CSMD1: variants seen among roughly 807,000 people sequenced by gnomAD.
The protein encoded by CSMD1 is CUB and sushi domain-containing protein 1.
A neutral mutation model predicts 417.5 loss-of-function variants in CSMD1; 213 were observed. The observed-to-expected ratio is 0.51, with a 90% confidence interval of 0.46 to 0.57. The LOEUF (loss-of-function observed/expected upper bound fraction) is 0.57, where lower values mean the gene tolerates loss of function less well. Ranked by LOEUF, CSMD1 falls within the 20% of genes least tolerant of loss-of-function variation. The pLI, the probability that CSMD1 is intolerant of heterozygous loss-of-function variation, is 0.00. For synonymous variants in CSMD1, 2,862 were observed against 1,736.8 expected (o/e 1.65, Z -16.11); for missense variants, 6,923 against 4,529.7 (o/e 1.53, Z -15.17).
chr8:4,340,026 A>T (rs1800387205), intron 3 of CSMD1, among the ~76,000 whole-genome samples: 1 of 152,082 alleles, frequency 6.6e-6, no homozygotes, highest in South Asian at 2.1e-4. Flanking sequence ...ACTTCTAGCG[A>T]AAATTATGTT....
chr8:3,514,832 A>G (rs146286539), intron 10 of CSMD1, among the ~76,000 whole-genome samples: 1 of 152,322 alleles, frequency 6.6e-6, no homozygotes, highest in Admixed American at 6.5e-5. Flanking sequence ...TAACACAAAC[A>G]ACATATTGCT....
At chr8:3,215,869 T>C (rs981963323) in intron 29 of CSMD1, among the ~76,000 whole-genome samples, 2 of 151,806 alleles carry the variant, frequency 1.3e-5, no homozygotes, top group African/African-American at 4.8e-5. Context: ...ACTGTATTTA[T>C]TCAATATTTT....
intron 3 of CSMD1, among the ~76,000 whole-genome samples, chr8:4,312,213 G>A (rs986572022): frequency 2.6e-5 from 4 of 151,766 alleles, no homozygotes; most frequent in Admixed American, 2.0e-4. Context: ...ATATGCATGT[G>A]TAGAATGCAT....
intron 23 of CSMD1, among the ~76,000 whole-genome samples, chr8:3,323,856 T>A (rs156071): frequency 0.31 from 42,533 of 136,022 alleles, 6,918 homozygotes; most frequent in Middle Eastern, 0.43. Flanking sequence ...CAGACACACA[T>A]CTAACACCCA....
At chr8:3,547,742 C>G (rs1024402955) in intron 10 of CSMD1, among the ~76,000 whole-genome samples, 1 of 152,098 alleles carries the variant, frequency 6.6e-6, no homozygotes, top group East Asian at 1.9e-4. Flanking sequence ...TTGGCTTGAG[C>G]TAGTTATCTA....
At chr8:4,034,435 T>C (rs769554639) in intron 3 of CSMD1, among the ~76,000 whole-genome samples, 1 of 152,242 alleles carries the variant, frequency 6.6e-6, no homozygotes, top group Non-Finnish European at 1.5e-5. Context: ...GCAATCATTT[T>C]TGTCTTTTTT....
At chr8:3,710,895 G>A (rs938700172) in intron 6 of CSMD1, among the ~76,000 whole-genome samples, 1 of 152,134 alleles carries the variant, frequency 6.6e-6, no homozygotes, top group Non-Finnish European at 1.5e-5. Flanking sequence ...TGGGGAGCAT[G>A]GAGACAGGAG....
At chr8:4,243,738 C>A (rs887279002) in intron 3 of CSMD1, among the ~76,000 whole-genome samples, 4 of 152,116 alleles carry the variant, frequency 2.6e-5, no homozygotes, top group African/African-American at 9.7e-5. Flanking sequence ...CAAAAAAGAA[C>A]ACTCATTTTG....
At chr8:4,697,860 G>A (rs1210223107) in intron 1 of CSMD1, among the ~76,000 whole-genome samples, 1 of 152,084 alleles carries the variant, frequency 6.6e-6, no homozygotes, top group Non-Finnish European at 1.5e-5. Flanking sequence ...CTTGATATTT[G>A]TAATATCTTA....
At chr8:4,216,965 T>G (rs1312475254) in intron 3 of CSMD1, among the ~76,000 whole-genome samples, 1 of 152,180 alleles carries the variant, frequency 6.6e-6, no homozygotes, top group South Asian at 2.1e-4. Context: ...ATGGCTGTCC[T>G]AGGATAGGTC....
At chr8:4,046,969 T>C (rs1798179643) in intron 3 of CSMD1, among the ~76,000 whole-genome samples, 1 of 152,184 alleles carries the variant, frequency 6.6e-6, no homozygotes, top group Non-Finnish European at 1.5e-5. Context: ...TCAGATCTCA[T>C]GCTCTTTTCT....
rs58245319 is a variant in CSMD1 at position 3,288,459 on chromosome 8, T to A, written c.3951-4113A>T. On this transcript the variant is annotated intron_variant, in intron 25 of 69. Transcript: ENST00000635120. The stretch of plus-strand genomic sequence containing the variant: ...TTTTTTTGGTTGGTAAGCTACTGAT[T>A]ATTGCCTCAATTTCAGACCCTGTTA... Among the ~76,000 whole-genome samples, 33 of 146,698 alleles carry A rather than the reference T, an allele frequency of 2.2e-4. 6 individuals are homozygous for A. The highest frequency in any genetic ancestry group is 9.0e-4 in the African/African-American group (33 of 36,538).
intron 1 of CSMD1, among the ~76,000 whole-genome samples, chr8:4,980,300 G>A (rs1055102718): frequency 1.3e-5 from 2 of 152,142 alleles, no homozygotes; most frequent in Non-Finnish European, 2.9e-5. Context: ...CCAGAGTGTA[G>A]CCACAAGGGC....
chr8:4,214,672 G>A (rs189725063), intron 3 of CSMD1, among the ~76,000 whole-genome samples: 33 of 152,240 alleles, frequency 2.2e-4, no homozygotes, highest in African/African-American at 7.9e-4. Flanking sequence ...GTATGAGTAT[G>A]AGTGTGTTTG....
chr8:3,375,637 C>G (rs528971545), intron 18 of CSMD1, among the ~76,000 whole-genome samples: 23 of 152,128 alleles, frequency 1.5e-4, no homozygotes, highest in Non-Finnish European at 7.4e-5. Context: ...TGTGCAGAAA[C>G]CCCCAGTAGG....
chr8:4,102,435 G>A (rs539961548), intron 3 of CSMD1, among the ~76,000 whole-genome samples: 1 of 152,128 alleles, frequency 6.6e-6, no homozygotes, highest in South Asian at 2.1e-4. Context: ...TGTCATAATA[G>A]ATTTAAGAAA....
intron 26 of CSMD1, among the ~76,000 whole-genome samples, chr8:3,251,441 G>C (rs539693694): frequency 6.6e-6 from 1 of 152,304 alleles, no homozygotes; most frequent in African/African-American, 2.4e-5. Context: ...TTTGGTACCA[G>C]TATCATGCTG....
intron 52 of CSMD1, among the ~76,000 whole-genome samples, chr8:3,009,225 G>A (rs1360480654): frequency 1.3e-5 from 2 of 152,338 alleles, no homozygotes; most frequent in African/African-American, 4.8e-5. Context: ...TCTTCAGTGT[G>A]CAGGTTTGTA....
At chr8:3,241,214 T>G (rs183310588) in intron 26 of CSMD1, among the ~76,000 whole-genome samples, 4 of 151,426 alleles carry the variant, frequency 2.6e-5, no homozygotes, top group Admixed American at 2.0e-4. Flanking sequence ...CAGGTGGGGA[T>G]AACTAAAAAG....
Sources: gnomAD v4.1 joint callset for allele counts (sites outside exome capture counted in the v4.1 genomes callset) on GRCh38, gnomAD v4.1.1 for gene constraint, MANE v1.5 for transcripts, NCBI Gene and HGNC (gene_info 2026-07-23, HGNC 2026-07-21) for gene names.